Variants in RASSF3 observed in about 807,000 individuals in gnomAD.
RASSF3 encodes Ras association domain family member 3.
A neutral mutation model predicts 19.9 loss-of-function variants in RASSF3; 19 were observed. That is an observed-to-expected ratio of 0.96 (90% confidence interval 0.67 to 1.40). The LOEUF (loss-of-function observed/expected upper bound fraction) is 1.40. RASSF3 is among the 40% of genes most tolerant of loss of function. The pLI is 0.00. For synonymous variants in RASSF3, 110 were observed against 104.2 expected, an observed-to-expected ratio of 1.06 and a Z score of -0.34; for missense variants, 306 against 289.8, an observed-to-expected ratio of 1.06 and a Z score of -0.41.
intron 1 of RASSF3, among the ~76,000 whole-genome samples, chr12:64,683,445 C>T (rs77644526): frequency 0.018 from 2,763 of 152,110 alleles, 110 homozygotes; most frequent in African/African-American, 0.063. Flanking sequence ...AGGATTTAAC[C>T]GATATTTCTC....
chr12:64,518,258 A>AT (rs1250993089), intron 1 of RASSF3, among the ~76,000 whole-genome samples: 1 of 152,060 alleles, frequency 6.6e-6, no homozygotes, highest in East Asian at 1.9e-4. Context: ...CTGTTAGTCC[A>AT]TTTTTTGCAT....
chr12:64,613,285 A>G (rs1180937140), intron 1 of RASSF3, among the ~76,000 whole-genome samples: 1 of 152,100 alleles, frequency 6.6e-6, no homozygotes, highest in African/African-American at 2.4e-5. Flanking sequence ...AGTGAAATTT[A>G]TCCTTTCTCT....
At chr12:64,685,176 G>A (rs748638161) in intron 2 of RASSF3, among the ~76,000 whole-genome samples, 7 of 152,034 alleles carry the variant, frequency 4.6e-5, no homozygotes, top group Non-Finnish European at 1.0e-4. Context: ...CTCCTCAAAG[G>A]ATTTTTAGCA....
chr12:64,665,696 ATG>A (rs1872521905), intron 1 of RASSF3, among the ~76,000 whole-genome samples: 1 of 152,182 alleles, frequency 6.6e-6, no homozygotes, highest in South Asian at 2.1e-4. Context: ...CTTAATTTGC[ATG>A]TAATTAAAAA....
At chr12:64,572,271 G>A (rs562993669) in intron 2 of RASSF3, among the ~76,000 whole-genome samples, 1 of 151,990 alleles carries the variant, frequency 6.6e-6, no homozygotes, top group South Asian at 2.1e-4. Flanking sequence ...ATGAGCCCAT[G>A]AGGCTGGGGA....
intron 1 of RASSF3, among the ~76,000 whole-genome samples, chr12:64,508,859 C>T (rs1470041899): frequency 6.6e-6 from 1 of 151,912 alleles, no homozygotes; most frequent in African/African-American, 2.4e-5. Flanking sequence ...GCACTCCAGC[C>T]TAGGCAACAA....
chr12:64,676,965 C>T (rs1223250124), intron 1 of RASSF3, among the ~76,000 whole-genome samples: 1 of 151,542 alleles, frequency 6.6e-6, no homozygotes, highest in African/African-American at 2.4e-5. Flanking sequence ...ACGAGGTCTC[C>T]CTGTGTTGCC....
intron 1 of RASSF3, among the ~76,000 whole-genome samples, chr12:64,614,558 G>A (rs572669992): frequency 2.0e-5 from 3 of 152,108 alleles, no homozygotes; most frequent in Admixed American, 6.6e-5. Context: ...TAGCAAGAAG[G>A]CTGGAACTCA....
At chr12:64,621,219 AGG>A (rs1309936877) in intron 1 of RASSF3, among the ~76,000 whole-genome samples, 1 of 152,224 alleles carries the variant, frequency 6.6e-6, no homozygotes, top group Non-Finnish European at 1.5e-5. Context: ...TACAGACGTG[AGG>A]CACTGCGCCT....
rs1868827480 is a variant in RASSF3, at chr12:64,536,327, A to G, written c.67+2993A>G. Among the ~76,000 whole-genome samples the G allele has an allele frequency of 2.6e-5, 4 of 152,188 alleles. No homozygotes were observed. In the South Asian group the frequency reaches 8.3e-4, roughly 32 times the overall value. ...GCCCAGCCTGTTTTCACTTTTTTAA[A>G]GTAGGTTTTTAATGGAAGAAAATAG... On this transcript the variant is annotated intron_variant, in intron 1 of 1. Coordinates refer to the RASSF3 transcript ENST00000636333.
intron 1 of RASSF3, among the ~76,000 whole-genome samples, chr12:64,508,847 T>C (rs557332750): frequency 6.7e-6 from 1 of 150,042 alleles, no homozygotes; most frequent in Non-Finnish European, 1.5e-5. Flanking sequence ...GATTGTGCGA[T>C]TGCACTCCAG....
chr12:64,544,821 A>G (rs1198388842), downstream of RASSF3, among the ~76,000 whole-genome samples: 3 of 152,214 alleles, frequency 2.0e-5, no homozygotes, highest in African/African-American at 7.2e-5. Context: ...CCTCTGACCA[A>G]TGCTGAGTAC....
intron 2 of RASSF3, among the ~76,000 whole-genome samples, chr12:64,548,516 TC>T (rs1869107421): frequency 6.6e-6 from 1 of 152,204 alleles, no homozygotes; most frequent in Admixed American, 6.5e-5. Flanking sequence ...TTGGTGCATT[TC>T]TTACTGTTGA....
chr12:64,527,970 T>G lies in RASSF3; in HGVS notation c.170-13611T>G, dbSNP rs1038018425. 9.9e-5 allele frequency among the ~76,000 whole-genome samples: 15 copies of G among 151,790 alleles called. No individual in the cohort carries two copies. The South Asian group carries it at 1.7e-3, about 17-fold the overall frequency. ...TAAATAAATTTAAATTTTAAAAAATTGATACAGGCCAGGTGTGGTGGCTCA... is the reference window on the plus strand; with the variant it reads ...TAAATAAATTTAAATTTTAAAAAATGGATACAGGCCAGGTGTGGTGGCTCA... On this transcript the variant is annotated intron_variant, in intron 1 of 5. Transcript: ENST00000637125.
chr12:64,543,579 C>T (rs1868993962), downstream of RASSF3, among the ~76,000 whole-genome samples: 1 of 140,680 alleles, frequency 7.1e-6, no homozygotes, highest in Admixed American at 7.1e-5. Context: ...CCCCGACAAG[C>T]CCCACCCCCT....
At chr12:64,653,826 C>T (rs1185048105) in intron 1 of RASSF3, among the ~76,000 whole-genome samples, 3 of 151,574 alleles carry the variant, frequency 2.0e-5, no homozygotes, top group South Asian at 2.1e-4. Context: ...GGGATTACAG[C>T]GTGGGCCACT....
rs1169955104 is a variant in RASSF3 at position 64,688,351 on chromosome 12, A to G, written c.355A>G (p.Asn119Asp). 1.2e-6 allele frequency: 2 copies of G among 1,614,228 alleles called. No individual in the cohort carries two copies. Among genetic ancestry groups the G allele is most frequent in the Non-Finnish European group, 1.7e-6 (2 of 1,180,040 alleles). The change falls in exon 3 of 5, where the codon AAC becomes GAC. Residue 119 changes from asparagine to aspartate, a missense_variant. By Grantham distance (23) the Asn-to-Asp change is conservative (BLOSUM62 1). Transcript: ENST00000542104. ...GAATACACTTCATATCAGCAGCACAAACACTGTCGGGGAAGTGATCGAGGC... is the reference window on the plus strand; with the variant it reads ...GAATACACTTCATATCAGCAGCACAGACACTGTCGGGGAAGTGATCGAGGC... Reference protein sequence around the residue: ...CMNTLHISSTNTVGEVIEALL... With the variant: ...CMNTLHISSTDTVGEVIEALL...
At chr12:64,651,676 G>T (rs1871959891) in intron 1 of RASSF3, among the ~76,000 whole-genome samples, 1 of 151,828 alleles carries the variant, frequency 6.6e-6, no homozygotes, top group Non-Finnish European at 1.5e-5. Flanking sequence ...TGTTGTTTTT[G>T]TTTGTTGAGA....
chr12:64,577,447 G>GT (rs1390387216), intron 2 of RASSF3, among the ~76,000 whole-genome samples: 1 of 152,200 alleles, frequency 6.6e-6, no homozygotes, highest in African/African-American at 2.4e-5. Context: ...AACAGTAGGA[G>GT]TGGTTGGGTT....
Sources: allele counts gnomAD v4.1 joint callset (sites outside exome capture counted in the v4.1 genomes callset), GRCh38; gene constraint gnomAD v4.1.1; transcripts MANE v1.5; gene names NCBI Gene and HGNC (gene_info 2026-07-23, HGNC 2026-07-21).